The following RYR2 variants were observed in gnomAD, a reference collection of about 807,000 sequenced individuals.
The protein encoded by RYR2 is ryanodine receptor 2.
Under a neutral mutation model 601.1 loss-of-function variants are expected in RYR2, and 227 were observed. The observed-to-expected ratio is 0.38, with a 90% CI of 0.34 to 0.42. RYR2 has a LOEUF of 0.42. RYR2 is among the 10% of genes least tolerant of loss of function. RYR2 has a pLI of 1.00. For missense variants in RYR2, 4,646 were observed against 6,156.5 expected (o/e 0.75, Z 8.21); for synonymous variants, 2,223 against 2,175.1 (o/e 1.02, Z -0.61).
chr1:237,199,424 T>TG (rs1252981084), intron 1 of RYR2, among the ~76,000 whole-genome samples: 2 of 152,178 alleles, frequency 1.3e-5, no homozygotes, highest in Non-Finnish European at 2.9e-5. Context: ...CTGAAGAACT[T>TG]GGAGTCTGAT....
chr1:237,648,682 A>G (rs1326309907), intron 49 of RYR2, 69 bp downstream of exon 49: 18 of 1,457,484 alleles, frequency 1.2e-5, no homozygotes, highest in Non-Finnish European at 1.6e-5. Flanking sequence ...GTTCTTTTTT[A>G]TATATCCATT....
At position 237,595,642 on chromosome 1, in the gene RYR2, G is replaced by C; in HGVS notation, c.4581G>C (p.Leu1527=). The change falls in exon 34 of 105, where the codon CTG becomes CTC. Residue 1527 remains leucine (L), a synonymous_variant. Transcript: ENST00000366574. ...CATTCATTGCCAATGGCAAGGAACTGAGCACATACTATCAGGTACGCGGTC... is the reference window on the plus strand; with the variant it reads ...CATTCATTGCCAATGGCAAGGAACTCAGCACATACTATCAGGTACGCGGTC... ...LLTFIANGKE[L]STYYQVEPST... 1 of 1,612,398 alleles carries C rather than the reference G, an allele frequency of 6.2e-7. No individual in the cohort carries two copies. Among genetic ancestry groups the C allele is most frequent in the South Asian group, 1.1e-5 (1 of 90,678 alleles).
chr1:237,517,484 C>T (rs1221330341), intron 24 of RYR2, among the ~76,000 whole-genome samples: 6 of 152,218 alleles, frequency 3.9e-5, no homozygotes, highest in African/African-American at 1.2e-4. Flanking sequence ...CTAATGATAG[C>T]TGATGAACTA....
chr1:237,243,765 C>T (rs551715497), intron 1 of RYR2, among the ~76,000 whole-genome samples: 98 of 152,188 alleles, frequency 6.4e-4, no homozygotes, highest in African/African-American at 1.8e-3. Context: ...GCTCCTGGGG[C>T]GGAACACACC....
chr1:237,071,173 A>T (rs1189989789), intron 1 of RYR2, among the ~76,000 whole-genome samples: 1 of 151,906 alleles, frequency 6.6e-6, no homozygotes, highest in East Asian at 1.9e-4. Context: ...TCCCTTCCGC[A>T]GGCAGGTCTT....
At chr1:237,215,329 A>G (rs528053154) in intron 1 of RYR2, among the ~76,000 whole-genome samples, 2 of 152,300 alleles carry the variant, frequency 1.3e-5, no homozygotes, top group South Asian at 4.1e-4. Context: ...CCAGGCATAT[A>G]GGAAAAAAAC....
intron 1 of RYR2, among the ~76,000 whole-genome samples, chr1:237,244,346 G>A (rs1686546388): frequency 6.6e-6 from 1 of 152,062 alleles, no homozygotes; most frequent in African/African-American, 2.4e-5. Context: ...GTGAGGGTAG[G>A]GGCATCCTCG....
intron 1 of RYR2, among the ~76,000 whole-genome samples, chr1:237,118,026 G>C (rs547398755): frequency 6.6e-6 from 1 of 152,158 alleles, no homozygotes; most frequent in African/African-American, 2.4e-5. Context: ...GATTACAGGC[G>C]TGAGCCACTG....
At chr1:237,452,566 T>C (rs1170263685) in intron 14 of RYR2, among the ~76,000 whole-genome samples, 1 of 147,034 alleles carries the variant, frequency 6.8e-6, no homozygotes, top group African/African-American at 2.5e-5. Flanking sequence ...ATATTTTATA[T>C]ACACTATATA....
chr1:237,709,837 T>G (rs982342952), intron 70 of RYR2, among the ~76,000 whole-genome samples: 3 of 152,226 alleles, frequency 2.0e-5, no homozygotes, highest in Non-Finnish European at 4.4e-5. Context: ...CTATCTAGCT[T>G]TCCCTATCTC....
intron 15 of RYR2, among the ~76,000 whole-genome samples, chr1:237,455,494 T>G (rs1305060895): frequency 1.3e-5 from 2 of 151,974 alleles, no homozygotes; most frequent in Non-Finnish European, 2.9e-5. Context: ...GGTGATGAAA[T>G]CATTTATACT....
chr1:237,122,709 C>CAAAG (rs1430863838), intron 1 of RYR2, among the ~76,000 whole-genome samples: 1 of 148,920 alleles, frequency 6.7e-6, no homozygotes, highest in African/African-American at 2.5e-5. Context: ...AACAAACAAA[C>CAAAG]AAACAAAACT....
rs766039441 is a variant in RYR2 at position 237,065,269 on chromosome 1, C to CTTTTTTT, written c.48+22721_48+22727dup. Reference sequence around the variant, plus strand: ...CCTCAAAGAGCTCTTGTGTGCTATCCTTTTTTTTTTTTTTTTTTTTTTTTT... The same window carrying CTTTTTTT: ...CCTCAAAGAGCTCTTGTGTGCTATCCTTTTTTTTTTTTTTTTTTTTTTTTTTTTTTTT... On this transcript the variant is annotated intron_variant, in intron 1 of 104. Transcript: ENST00000366574. Among the ~76,000 whole-genome samples, 13 of 77,508 alleles carry CTTTTTTT rather than the reference C, an allele frequency of 1.7e-4. 4 individuals are homozygous for CTTTTTTT. Among genetic ancestry groups the CTTTTTTT allele is most frequent in the Non-Finnish European group, 2.3e-4 (10 of 43,064 alleles). The allele number at this position is 77,508 out of a possible 152,430, so 50.8% of individuals were successfully genotyped here.
At chr1:237,640,295 G>T (rs1362326740) in intron 46 of RYR2, among the ~76,000 whole-genome samples, 5 of 152,180 alleles carry the variant, frequency 3.3e-5, no homozygotes, top group African/African-American at 1.2e-4. Flanking sequence ...GGGCCATCCA[G>T]ATTTGGCTCT....
intron 29 of RYR2, among the ~76,000 whole-genome samples, chr1:237,581,712 C>T (rs1038669020): frequency 1.3e-5 from 2 of 152,144 alleles, no homozygotes; most frequent in African/African-American, 4.8e-5. Flanking sequence ...ATCCCCAAAC[C>T]CACCTGCCTG....
At chr1:237,083,958 C>T (rs576035510) in intron 1 of RYR2, among the ~76,000 whole-genome samples, 13 of 152,270 alleles carry the variant, frequency 8.5e-5, no homozygotes, top group East Asian at 5.8e-4. Context: ...TGTGGACACA[C>T]GTGGCATATG....
At chr1:237,795,456 T>G (rs1441486889) in intron 96 of RYR2, 125 bp downstream of exon 96, 1 of 517,786 alleles carries the variant, frequency 1.9e-6, no homozygotes, top group Non-Finnish European at 3.4e-6. Context: ...CTCCATTTTT[T>G]TTTTTTAATT....
chr1:237,374,601 T>A (rs1354195556), intron 6 of RYR2, 116 bp from the exon 7 acceptor site: 4 of 788,762 alleles, frequency 5.1e-6, no homozygotes, highest in Non-Finnish European at 8.6e-6. Flanking sequence ...GAGGCTGCAG[T>A]GAGCTGTGAT....
intron 21 of RYR2, among the ~76,000 whole-genome samples, 179 bp downstream of exon 21, chr1:237,501,082 C>A (rs974384185): frequency 2.6e-5 from 4 of 151,968 alleles, no homozygotes; most frequent in African/African-American, 9.7e-5. Context: ...AGATGGGCAT[C>A]CTGCAAGGCT....
Sources: gnomAD v4.1 joint callset for allele counts (sites outside exome capture counted in the v4.1 genomes callset) on GRCh38, gnomAD v4.1.1 for gene constraint, MANE v1.5 for transcripts, NCBI Gene and HGNC (gene_info 2026-07-23, HGNC 2026-07-21) for gene names.